The following DCLK1 variants were observed in gnomAD, a reference collection of about 807,000 sequenced individuals.
DCLK1 encodes the protein doublecortin like kinase 1.
In DCLK1, 16 loss-of-function variants were observed where a neutral mutation model predicts 86.2. The observed-to-expected ratio is 0.19, with a 90% CI of 0.13 to 0.28. DCLK1 has a LOEUF of 0.28. DCLK1 is among the 10% of genes least tolerant of loss of function. DCLK1 has a pLI of 1.00. For synonymous variants in DCLK1, 369 were observed against 370.5 expected, an observed-to-expected ratio of 1.00 and a Z score of 0.05; for missense variants, 590 against 940.2, an observed-to-expected ratio of 0.63 and a Z score of 4.87.
chr13:35,924,314 C>T (rs1302935283), intron 4 of DCLK1, among the ~76,000 whole-genome samples: 1 of 152,054 alleles, frequency 6.6e-6, no homozygotes, highest in Non-Finnish European at 1.5e-5. Flanking sequence ...GCTTTCTTGT[C>T]ACCGTCAAGA....
At chr13:35,828,167 C>T (rs1287254261) in intron 9 of DCLK1, 83 bp downstream of exon 9, 1 of 1,169,566 alleles carries the variant, frequency 8.6e-7, no homozygotes, top group South Asian at 1.3e-5. Context: ...TTAGGGTGAA[C>T]TTGTATTTGT....
At chr13:35,973,863 A>T (rs1879188676) in intron 3 of DCLK1, among the ~76,000 whole-genome samples, 1 of 152,118 alleles carries the variant, frequency 6.6e-6, no homozygotes, top group South Asian at 2.1e-4. Flanking sequence ...CAGAGCACAG[A>T]GGAGTGAGGA....
At chr13:36,069,815 C>A (rs1263841809) in intron 3 of DCLK1, among the ~76,000 whole-genome samples, 1 of 152,184 alleles carries the variant, frequency 6.6e-6, no homozygotes, top group Non-Finnish European at 1.5e-5. Flanking sequence ...CCATAGTGAA[C>A]CACAATGCAT....
At chr13:35,996,006 G>T (rs1308971981) in intron 3 of DCLK1, among the ~76,000 whole-genome samples, 1 of 152,002 alleles carries the variant, frequency 6.6e-6, no homozygotes, top group Non-Finnish European at 1.5e-5. Flanking sequence ...TAAATATTAT[G>T]CAATCTCCGC....
At chr13:35,905,416 C>T (rs1315937789) in intron 4 of DCLK1, among the ~76,000 whole-genome samples, 2 of 152,214 alleles carry the variant, frequency 1.3e-5, no homozygotes, top group African/African-American at 4.8e-5. Context: ...AGATCCCACC[C>T]TATCCCAGGA....
chr13:35,915,159 T>C (rs1875332841), intron 4 of DCLK1, among the ~76,000 whole-genome samples: 1 of 152,260 alleles, frequency 6.6e-6, no homozygotes. Context: ...AAGCAATTTG[T>C]TAATCCTTAG....
At chr13:36,120,845 G>T (rs117513376) in intron 2 of DCLK1, among the ~76,000 whole-genome samples, 140 of 152,178 alleles carry the variant, frequency 9.2e-4, no homozygotes, top group Non-Finnish European at 1.7e-3. Context: ...TTAGTTAATG[G>T]GAAACATCTG....
chr13:35,847,928 A>C (rs1870333212), intron 6 of DCLK1: 2 of 985,162 alleles, frequency 2.0e-6, no homozygotes, highest in Non-Finnish European at 2.4e-6. Context: ...AAAACACACC[A>C]TGTGGCTTTC....
chr13:35,964,439 T>C (rs2153137926), intron 3 of DCLK1, among the ~76,000 whole-genome samples: 1 of 152,308 alleles, frequency 6.6e-6, no homozygotes, highest in African/African-American at 2.4e-5. Context: ...GTGCTAGAGT[T>C]TTTAAACTTC....
At chr13:35,975,599 C>T (rs376879928) in intron 3 of DCLK1, among the ~76,000 whole-genome samples, 25 of 133,054 alleles carry the variant, frequency 1.9e-4, no homozygotes, top group Non-Finnish European at 2.8e-4. Flanking sequence ...TTGTATAAAA[C>T]GGCTCAGAAA....
At chr13:35,935,974 A>G (rs1876730148) in intron 4 of DCLK1, among the ~76,000 whole-genome samples, 1 of 152,156 alleles carries the variant, frequency 6.6e-6, no homozygotes, top group Non-Finnish European at 1.5e-5. Context: ...AAAGTAGATG[A>G]ACTTGGCTAG....
rs1186042345 is a variant in DCLK1, at chr13:36,010,049, T to C, written c.724-62592A>G. On this transcript the variant is annotated intron_variant, in intron 3 of 16. Transcript: ENST00000360631. ...TTTGTCTGTTGTTGGTGTATAGGAATGCTTGTGATTTTTGTACATTGATTT... is the reference window on the plus strand; with the variant it reads ...TTTGTCTGTTGTTGGTGTATAGGAACGCTTGTGATTTTTGTACATTGATTT... Among the ~76,000 whole-genome samples, 377 of 44,796 alleles carry C rather than the reference T, an allele frequency of 8.4e-3. 6 individuals are homozygous for C. The highest frequency in any genetic ancestry group is 0.034 in the African/African-American group (352 of 10,434). 29.4% of individuals were successfully genotyped at this position (44,796 alleles called of 152,430 possible). A position where few individuals can be genotyped will look rare whatever the true frequency, so the allele number is the denominator to read the frequency against.
chr13:35,796,315 G>A (rs2086810793), intron 15 of DCLK1, among the ~76,000 whole-genome samples: 1 of 152,132 alleles, frequency 6.6e-6, no homozygotes, highest in African/African-American at 2.4e-5. Flanking sequence ...TTTCTTTTTA[G>A]GATGAAAGAA....
chr13:36,023,398 A>G (rs1306647412), intron 3 of DCLK1, among the ~76,000 whole-genome samples: 1 of 152,098 alleles, frequency 6.6e-6, no homozygotes, highest in African/African-American at 2.4e-5. Context: ...GCAGAAAGAG[A>G]CCCAGTATAG....
chr13:36,001,567 C>T (rs911031010), intron 3 of DCLK1, among the ~76,000 whole-genome samples: 5 of 152,108 alleles, frequency 3.3e-5, no homozygotes, highest in African/African-American at 9.7e-5. Context: ...CTCAACATCA[C>T]ACCCCTTGTC....
intron 3 of DCLK1, among the ~76,000 whole-genome samples, chr13:36,107,399 A>G (rs1250103131): frequency 7.2e-6 from 1 of 138,204 alleles, no homozygotes; most frequent in East Asian, 2.1e-4. Flanking sequence ...GCTGGAGTGC[A>G]GTGGCGCGAT....
At chr13:35,828,172 ATTTG>A (rs1454886463) in intron 9 of DCLK1, 74 bp downstream of exon 9, 10 of 1,220,120 alleles carry the variant, frequency 8.2e-6, no homozygotes, top group African/African-American at 1.5e-5. Context: ...GTGAACTTGT[ATTTG>A]TTTGGGAGTG....
chr13:36,076,949 A>G (rs9575247), intron 3 of DCLK1, among the ~76,000 whole-genome samples: 26,431 of 152,182 alleles, frequency 0.17, 2,717 homozygotes, highest in East Asian at 0.45. Context: ...TTCTGACCTT[A>G]CCTTCCTTGT....
At chr13:36,003,742 T>G (rs1480528924) in intron 3 of DCLK1, among the ~76,000 whole-genome samples, 1 of 152,182 alleles carries the variant, frequency 6.6e-6, no homozygotes, top group Non-Finnish European at 1.5e-5. Flanking sequence ...CAAAACAACT[T>G]GTACACTGTG....
Sources: gnomAD v4.1 joint callset for allele counts (sites outside exome capture counted in the v4.1 genomes callset) on GRCh38, gnomAD v4.1.1 for gene constraint, MANE v1.5 for transcripts, NCBI Gene and HGNC (gene_info 2026-07-23, HGNC 2026-07-21) for gene names.